Variants in FCRL1 observed in about 807,000 individuals in gnomAD.
FCRL1 encodes Fc receptor like 1.
In FCRL1, 34 loss-of-function variants were observed where a neutral mutation model predicts 49.2. The ratio of observed to expected loss-of-function variants is 0.69; its 90% CI spans 0.53 to 0.92. FCRL1 has a LOEUF of 0.92. Among genes scored for constraint, FCRL1 ranks in the 40% least tolerant of loss-of-function variants. The probability of loss-of-function intolerance (pLI) is 0.00; values close to 1 mark genes in which losing one functional copy is unlikely to be tolerated. For missense variants in FCRL1, 524 were observed against 524.1 expected (o/e 1.00, Z 0.00); for synonymous variants, 218 against 201.6 (o/e 1.08, Z -0.69).
Position 157,800,080 on chromosome 1 carries a change from G to A in FCRL1, c.1009C>T (p.Arg337Cys), listed in dbSNP as rs762882040. ...CYGLKRKIGRRSARDPLRSLP... is the reference protein window; with the variant it reads ...CYGLKRKIGRCSARDPLRSLP... ...CACCTGAGTGGATCCCTGGCTGAAC[G>A]TCTTCCTGAAAGAAAAACAAATGAG... Residue 337 changes from arginine (R) to cysteine (C), a missense_variant, in exon 7 of 11, where the codon CGT becomes TGT. By Grantham distance (180) the Arg-to-Cys change is radical. Coordinates refer to ENST00000368176, the MANE Select transcript of FCRL1 (RefSeq NM_052938.5). The A allele has an allele frequency of 1.8e-5, 29 of 1,613,350 alleles. No individual in the cohort carries two copies. The highest frequency in any genetic ancestry group is 3.3e-5 in the Admixed American group (2 of 59,994).
chr1:157,815,052 A>T (rs1654842231), intron 1 of FCRL1, among the ~76,000 whole-genome samples: 1 of 151,982 alleles, frequency 6.6e-6, no homozygotes, highest in Non-Finnish European at 1.5e-5. Flanking sequence ...AATCATCCAG[A>T]TGGAAAATCA....
At chr1:157,805,175 T>C (rs1255471160) in intron 2 of FCRL1, among the ~76,000 whole-genome samples, 1 of 152,060 alleles carries the variant, frequency 6.6e-6, no homozygotes, top group Non-Finnish European at 1.5e-5. Context: ...TCTTTTCTGG[T>C]GATAAGATGA....
At chr1:157,797,605 C>A in intron 9 of FCRL1, 1 of 738,398 alleles carries the variant, frequency 1.4e-6, no homozygotes. Flanking sequence ...AAGAGGTAAG[C>A]CATGGGATTT....
At chr1:157,803,621 G>C (rs892151424) in intron 3 of FCRL1, among the ~76,000 whole-genome samples, 4 of 152,200 alleles carry the variant, frequency 2.6e-5, no homozygotes, top group African/African-American at 9.7e-5. Context: ...CTCCAGCACA[G>C]TGAAGACACA....
At chr1:157,818,122 A>G (rs1230238755) in intron 1 of FCRL1, among the ~76,000 whole-genome samples, 2 of 152,278 alleles carry the variant, frequency 1.3e-5, no homozygotes, top group East Asian at 3.9e-4. Flanking sequence ...AAAAAATGGA[A>G]CTACCATATG....
In FCRL1 at chr1:157,803,149, G is replaced by A. The variant is rs1194656846; in HGVS notation, c.320-485C>T. Among the ~76,000 whole-genome samples, 3 of 152,196 alleles carry A rather than the reference G, an allele frequency of 2.0e-5. No individual in the cohort carries two copies. The East Asian group carries it at 5.8e-4, about 29-fold the overall frequency. On this transcript the variant is annotated intron_variant, in intron 3 of 10. Transcript: ENST00000368176. ...GGTTCAATTACACAATATCTGTGAA[G>A]CATTAGGATAGGGACTGCCATGTAT...
intron 1 of FCRL1, among the ~76,000 whole-genome samples, chr1:157,812,770 A>C (rs1290701645): frequency 6.6e-6 from 1 of 151,978 alleles, no homozygotes; most frequent in Non-Finnish European, 1.5e-5. Flanking sequence ...CAACCACCTC[A>C]AGCATCTGTG....
At position 157,803,927 on chromosome 1, in the gene FCRL1, T is replaced by G; in HGVS notation, c.237A>C (p.Glu79Asp). ...PKLQIAAMWK[E>D]DTGSYWCEAQ... ...CCTCGCACCAGTATGACCCTGTGTC[T>G]TCTTTCCACATGGCAGCGATCTGGA... Residue 79 changes from glutamate to aspartate, a missense_variant, in exon 3 of 11, where the codon GAA becomes GAC. Coordinates refer to ENST00000368176, the MANE Select transcript of FCRL1 (RefSeq NM_052938.5). 3 of 1,614,186 alleles carry G rather than the reference T, an allele frequency of 1.9e-6. No individual in the cohort carries two copies. Among genetic ancestry groups the G allele is most frequent in the Non-Finnish European group, 2.5e-6 (3 of 1,180,032 alleles).
intron 4 of FCRL1, 36 bp downstream of exon 4, chr1:157,802,341 T>C: frequency 1.9e-6 from 3 of 1,603,296 alleles, no homozygotes; most frequent in Non-Finnish European, 2.6e-6. Flanking sequence ...GCCCAGTTTG[T>C]GACTGGCTGG....
intron 1 of FCRL1, among the ~76,000 whole-genome samples, chr1:157,812,530 G>A (rs1015770005): frequency 6.6e-6 from 1 of 152,102 alleles, no homozygotes; most frequent in African/African-American, 2.4e-5. Flanking sequence ...CTGAGCCTTT[G>A]GAAAGCCCTT....
At position 157,802,593 on chromosome 1, in the gene FCRL1, C is replaced by T. The variant is rs1483602147; in HGVS notation, c.391G>A (p.Val131Ile). Reference protein sequence around the residue: ...GGQVMEGDRLVLICSVAMGTG... With the variant: ...GGQVMEGDRLILICSVAMGTG... ...CCCATAGCAACTGAGCAGATGAGGACCAGCCTGTCTCCCTCCATCACCTGT... is the reference window on the plus strand; with the variant it reads ...CCCATAGCAACTGAGCAGATGAGGATCAGCCTGTCTCCCTCCATCACCTGT... The change falls in exon 4 of 11, where the codon GTC becomes ATC. Residue 131 changes from valine (V) to isoleucine (I), a missense_variant. Physicochemically the swap from Val to Ile is conservative, Grantham distance 29. Transcript: ENST00000368176. 14 of 1,614,078 alleles carry T rather than the reference C, an allele frequency of 8.7e-6. No homozygotes were observed. In the African/African-American group the frequency reaches 1.9e-4, roughly 22 times the overall value.
At chr1:157,816,423 G>A (rs1185488564) in intron 1 of FCRL1, among the ~76,000 whole-genome samples, 8 of 151,818 alleles carry the variant, frequency 5.3e-5, no homozygotes, top group Admixed American at 5.2e-4. Flanking sequence ...CAGAAAATTA[G>A]GTGTAGAAGA....
chr1:157,798,310 A>T (rs1651877078), intron 7 of FCRL1, 67 bp from the exon 8 acceptor site: 1 of 1,307,200 alleles, frequency 7.6e-7, no homozygotes, highest in African/African-American at 1.5e-5. Flanking sequence ...TATCACACTG[A>T]AGGAGAGAAG....
rs140643287 is a variant in FCRL1, at chr1:157,802,499, C to T, written c.485G>A (p.Arg162His). 2.9e-5 allele frequency: 47 copies of T among 1,614,190 alleles called. 1 individual carries two copies. Among genetic ancestry groups the T allele is most frequent in the East Asian group, 8.9e-5 (4 of 44,878 alleles). ...AATCTCATACTCTGCTGTCAGTGAA[C>T]GCTGGGTCTTTGACTGAAGGTTTAA... ...VGLNLQSKTQRSLTAEYEIPS... is the reference protein window; with the variant it reads ...VGLNLQSKTQHSLTAEYEIPS... Residue 162 changes from arginine (R) to histidine (H), a missense_variant, in exon 4 of 11, where the codon CGT becomes CAT. By Grantham distance (29) the Arg-to-His change is conservative. Coordinates refer to ENST00000368176, the MANE Select transcript of FCRL1 (RefSeq NM_052938.5).
In FCRL1 at chr1:157,796,254, A is replaced by G. The variant is rs1651455048; in HGVS notation, c.1219-84T>C. 5.4e-6 allele frequency: 6 copies of G among 1,101,032 alleles called. No homozygotes were observed. In the South Asian group the frequency reaches 7.5e-5, roughly 14 times the overall value. 68.2% of individuals were successfully genotyped at this position (1,101,032 alleles called of 1,614,324 possible). ...CCCCTTCCCCAGTTAGCTTGGATGC[A>G]TCTTATCATGGCACATCACGCAATG... is the stretch of plus-strand genomic sequence containing the variant. On this transcript the variant is annotated intron_variant, in intron 10 of 10. Coordinates refer to ENST00000368176, the MANE Select transcript of FCRL1 (RefSeq NM_052938.5).
intron 6 of FCRL1, among the ~76,000 whole-genome samples, chr1:157,801,055 C>T (rs533665023): frequency 9.2e-5 from 14 of 152,212 alleles, no homozygotes; most frequent in Admixed American, 3.3e-4. Flanking sequence ...CCACGCCCAG[C>T]TAATTTTTGT....
rs758178423 is a variant in FCRL1 at position 157,798,191 on chromosome 1, G to T, written c.1084C>A (p.Pro362Thr). ...TCATATATAGGCTGTAGCTGCCCTG[G>T]GGTAGGTGAGTTGAGGTAGGTGAAC... is the stretch of plus-strand genomic sequence containing the variant. ...QEFTYLNSPT[P>T]GQLQPIYENV... is the part of the protein sequence containing the mutation. Residue 362 changes from proline (P) to threonine (T), a missense_variant, in exon 8 of 11, where the codon CCA becomes ACA. Physicochemically the swap from Pro to Thr is conservative, Grantham distance 38. Transcript: ENST00000368176. 6.2e-7 allele frequency: 1 copy of T among 1,613,366 alleles called. No homozygotes were observed. The highest frequency in any genetic ancestry group is 2.2e-5 in the East Asian group (1 of 44,876).
chr1:157,802,987 G>A lies in FCRL1; in HGVS notation c.320-323C>T, dbSNP rs539053955. On this transcript the variant is annotated intron_variant, in intron 3 of 10. Transcript: ENST00000368176. ...TGATTACAAGTCTAAATTGTAAATC[G>A]AACTGCCTTATTTGAAGAGTGGTTC... Among the ~76,000 whole-genome samples, 89 of 152,224 alleles carry A rather than the reference G, an allele frequency of 5.8e-4. No homozygotes were observed. The South Asian group carries it at 0.011, about 19-fold the overall frequency.
In FCRL1 at chr1:157,796,125, C is replaced by T; in HGVS notation, c.1264G>A (p.Asp422Asn). The T allele has an allele frequency of 1.2e-6, 2 of 1,614,064 alleles. No homozygotes were observed. Among genetic ancestry groups the T allele is most frequent in the Middle Eastern group, 1.7e-4 (1 of 6,058 alleles). Reference sequence around the variant, plus strand: ...TACATAGCATCTTCATAGTCCACATCTGTAATGTTTGCTTTCCTCAGCCTG... The same window carrying T: ...TACATAGCATCTTCATAGTCCACATTTGTAATGTTTGCTTTCCTCAGCCTG... ...YSRLRKANIT[D>N]VDYEDAM is the part of the protein sequence containing the mutation. The change falls in exon 11 of 11, where the codon GAT (aspartate) becomes AAT (asparagine). Residue 422 changes from aspartate (D) to asparagine (N), a missense_variant. Coordinates refer to ENST00000368176, the MANE Select transcript of FCRL1 (RefSeq NM_052938.5).
Sources: gnomAD v4.1 joint callset for allele counts (sites outside exome capture counted in the v4.1 genomes callset) on GRCh38, gnomAD v4.1.1 for gene constraint, MANE v1.5 for transcripts, NCBI Gene and HGNC (gene_info 2026-07-23, HGNC 2026-07-21) for gene names.